Variants in RASGEF1C observed in about 807,000 individuals in gnomAD.
RASGEF1C encodes ras-GEF domain-containing family member 1C.
A neutral mutation model predicts 58.1 loss-of-function variants in RASGEF1C; 27 were observed. That is an observed-to-expected ratio of 0.46 (90% CI 0.34 to 0.64). The LOEUF (loss-of-function observed/expected upper bound fraction) is 0.64. RASGEF1C is among the 30% of genes least tolerant of loss of function. The pLI, the probability that RASGEF1C is intolerant of heterozygous loss-of-function variation, is 0.01. For synonymous variants in RASGEF1C, 243 were observed against 246.3 expected (o/e 0.99, Z 0.13); for missense variants, 502 against 605.1 (o/e 0.83, Z 1.79).
At chr5:180,163,844 C>T (rs1352307135) in intron 1 of RASGEF1C, among the ~76,000 whole-genome samples, 1 of 152,170 alleles carries the variant, frequency 6.6e-6, no homozygotes, top group Non-Finnish European at 1.5e-5. Context: ...GTAGAATTTA[C>T]CAGTAAACCA....
At chr5:180,120,708 C>T (rs985532625) in intron 7 of RASGEF1C, among the ~76,000 whole-genome samples, 8 of 152,192 alleles carry the variant, frequency 5.3e-5, no homozygotes, top group Admixed American at 3.3e-4. Context: ...CTCTAGGTCC[C>T]GAGCCAGCCA....
Position 180,158,549 on chromosome 5 carries a change from C to T in RASGEF1C, c.-6-20491G>A, listed in dbSNP as rs747679055. Reference sequence around the variant, plus strand: ...GAAGGCATTGTTTTCTGGCTTCTCTCTTAACTTTGTAGAATTTTCTTTGTT... The same window carrying T: ...GAAGGCATTGTTTTCTGGCTTCTCTTTTAACTTTGTAGAATTTTCTTTGTT... On this transcript the variant is annotated intron_variant, in intron 1 of 13. Transcript: ENST00000361132. This position sits in a 1 kb window ranked among gnomAD's most constrained non-coding sequence, Gnocchi z 4.0. Among the ~76,000 whole-genome samples, 1 of 152,190 alleles carries T rather than the reference C, an allele frequency of 6.6e-6. No individual in the cohort carries two copies. Among genetic ancestry groups the T allele is most frequent in the Non-Finnish European group, 1.5e-5 (1 of 68,034 alleles).
chr5:180,128,790 C>T (rs898322358), intron 4 of RASGEF1C, among the ~76,000 whole-genome samples, 180 bp from the exon 5 acceptor site: 16 of 152,210 alleles, frequency 1.1e-4, no homozygotes, highest in Non-Finnish European at 1.9e-4. Context: ...GACCCAATCC[C>T]GGCCAGGGTG....
In RASGEF1C at chr5:180,132,168, C is replaced by A. The variant is rs529820532; in HGVS notation, c.439-3558G>T. Reference sequence around the variant, plus strand: ...ACCAGGCCGTGCTGGGGTGGAGCAGCACTTTGCCCCTCCTGCCTCGGGCTG... The same window carrying A: ...ACCAGGCCGTGCTGGGGTGGAGCAGAACTTTGCCCCTCCTGCCTCGGGCTG... On this transcript the variant is annotated intron_variant, in intron 4 of 13. Coordinates refer to ENST00000361132, the MANE Select transcript of RASGEF1C (RefSeq NM_175062.4). Among the ~76,000 whole-genome samples the A allele has an allele frequency of 1.5e-4, 23 of 152,362 alleles. No individual in the cohort carries two copies. The South Asian group carries it at 4.3e-3, about 29-fold the overall frequency.
chr5:180,173,650 C>T (rs970703342), intron 1 of RASGEF1C, among the ~76,000 whole-genome samples: 1 of 152,132 alleles, frequency 6.6e-6, no homozygotes, highest in Non-Finnish European at 1.5e-5. Context: ...CACGGTGGCT[C>T]CCGCCTGTAG....
chr5:180,111,232 G>A (rs928877553), intron 12 of RASGEF1C, among the ~76,000 whole-genome samples: 1 of 152,130 alleles, frequency 6.6e-6, no homozygotes, highest in South Asian at 2.1e-4. Flanking sequence ...CTGGCCCCGG[G>A]GGTCCTTGAG....
chr5:180,160,842 C>A (rs1338822716), intron 1 of RASGEF1C, among the ~76,000 whole-genome samples: 1 of 152,156 alleles, frequency 6.6e-6, no homozygotes, highest in Non-Finnish European at 1.5e-5. Context: ...TACAAGTGCT[C>A]GAAGGCACTT....
At chr5:180,186,800 T>A (rs1756050733) in intron 1 of RASGEF1C, among the ~76,000 whole-genome samples, 1 of 152,198 alleles carries the variant, frequency 6.6e-6, no homozygotes, top group African/African-American at 2.4e-5. Flanking sequence ...ACCTCATCTC[T>A]ACTAAATATA....
At chr5:180,169,254 T>G (rs920586590) in intron 1 of RASGEF1C, among the ~76,000 whole-genome samples, 10 of 152,364 alleles carry the variant, frequency 6.6e-5, no homozygotes, top group African/African-American at 2.4e-4. Context: ...AACGAGCTGA[T>G]TTTATGAAAC....
At chr5:180,120,758 G>A (rs1044122410) in intron 7 of RASGEF1C, among the ~76,000 whole-genome samples, 8 of 152,206 alleles carry the variant, frequency 5.3e-5, no homozygotes, top group Admixed American at 2.6e-4. Flanking sequence ...AAGGCAGGCC[G>A]GCACAGATGG....
intron 13 of RASGEF1C, 136 bp downstream of exon 13, chr5:180,101,935 G>A (rs1030608714): frequency 1.6e-5 from 11 of 668,300 alleles, no homozygotes; most frequent in Admixed American, 2.8e-5. Flanking sequence ...GGAGGCTGGT[G>A]AGCCGGGTAT....
chr5:180,161,082 G>C (rs1766937189), intron 1 of RASGEF1C, among the ~76,000 whole-genome samples: 1 of 152,238 alleles, frequency 6.6e-6, no homozygotes, highest in Admixed American at 6.5e-5. Flanking sequence ...AGGCCAGCCT[G>C]TGCTCAGGAC....
At chr5:180,205,933 C>T (rs1403794895) in intron 1 of RASGEF1C, among the ~76,000 whole-genome samples, 1 of 152,168 alleles carries the variant, frequency 6.6e-6, no homozygotes, top group Non-Finnish European at 1.5e-5. Context: ...CAAGGTTTCA[C>T]CATGTTGGCC....
chr5:180,150,005 A>C (rs1766721838), intron 1 of RASGEF1C, among the ~76,000 whole-genome samples: 1 of 152,100 alleles, frequency 6.6e-6, no homozygotes, highest in Admixed American at 6.6e-5. Context: ...ACTCTCACAA[A>C]GTGTATGTTG....
chr5:180,206,996 T>C (rs1231875317), intron 1 of RASGEF1C, among the ~76,000 whole-genome samples: 1 of 152,190 alleles, frequency 6.6e-6, no homozygotes, highest in Non-Finnish European at 1.5e-5. Context: ...TTTTTAATAG[T>C]TCTGACCTTT....
Position 180,156,646 on chromosome 5 carries a change from T to C in RASGEF1C, c.-6-18588A>G, listed in dbSNP as rs28455061. 0.15 allele frequency among the ~76,000 whole-genome samples: 23,256 copies of C among 151,628 alleles called. 1,911 individuals carry two copies. Among genetic ancestry groups the C allele is most frequent in the African/African-American group, 0.18 (7,347 of 41,302 alleles). On this transcript the variant is annotated intron_variant, in intron 1 of 13. Transcript: ENST00000361132. This position sits in a 1 kb window ranked among gnomAD's most constrained non-coding sequence, Gnocchi z 4.9. ...AATTAGCTGGGCATGGTGGCGTGCA[T>C]CTGCAGTCCCAGCTACTTGGGAGGC...
At chr5:180,175,537 T>C (rs950349162) in intron 1 of RASGEF1C, among the ~76,000 whole-genome samples, 3 of 152,168 alleles carry the variant, frequency 2.0e-5, no homozygotes, top group African/African-American at 7.2e-5. Flanking sequence ...TTTCGGTGCT[T>C]GTTGAAGGAG....
At chr5:180,202,855 A>G (rs1042327011) in intron 1 of RASGEF1C, among the ~76,000 whole-genome samples, 2 of 152,036 alleles carry the variant, frequency 1.3e-5, no homozygotes, top group Admixed American at 6.5e-5. Context: ...GGTGCCCGCC[A>G]CCACGCCGGG....
rs182312814 is a variant in RASGEF1C at position 180,191,748 on chromosome 5, T to C, written c.-7+17280A>G. Among the ~76,000 whole-genome samples, 6 of 152,334 alleles carry C rather than the reference T, an allele frequency of 3.9e-5. No homozygotes were observed. In the East Asian group the frequency reaches 1.2e-3, roughly 29 times the overall value. ...TCTGTGGATTAGTTTCTTACTGCCG[T>C]GTAACAAGTTAGCACAATGTAATGA... is the stretch of plus-strand genomic sequence containing the variant. On this transcript the variant is annotated intron_variant, in intron 1 of 13. Transcript: ENST00000361132.
Sources: allele counts gnomAD v4.1 joint callset (sites outside exome capture counted in the v4.1 genomes callset), GRCh38; gene constraint gnomAD v4.1.1; non-coding constraint Gnocchi (gnomAD v3.1); transcripts MANE v1.5; gene names NCBI Gene and HGNC (gene_info 2026-07-23, HGNC 2026-07-21).